The following BRMS1L variants were observed in gnomAD, a reference collection of about 807,000 sequenced individuals.
BRMS1L encodes the protein breast cancer metastasis-suppressor 1-like protein.
A neutral mutation model predicts 50.3 loss-of-function variants in BRMS1L; 23 were observed. That is an observed-to-expected ratio of 0.46 (90% CI 0.33 to 0.65). BRMS1L has a LOEUF of 0.65. Among genes scored for constraint, BRMS1L ranks in the 30% least tolerant of loss-of-function variants. The pLI, the probability that BRMS1L is intolerant of heterozygous loss-of-function variation, is 0.02. For synonymous variants in BRMS1L, 114 were observed against 126.9 expected (o/e 0.90, Z 0.69); for missense variants, 286 against 386.1 (o/e 0.74, Z 2.17).
chr14:35,841,558 A>G lies in BRMS1L; in HGVS notation c.441+6635A>G, dbSNP rs375378976. Among the ~76,000 whole-genome samples the G allele has an allele frequency of 1.5e-4, 23 of 152,198 alleles. No individual in the cohort carries two copies. In the East Asian group the frequency reaches 3.7e-3, roughly 24 times the overall value. ...GTGATCTGCCCGCCTTGGCCTCCCAAACTGCTGGGATTACAGGCGTAAGCC... is the reference window on the plus strand; with the variant it reads ...GTGATCTGCCCGCCTTGGCCTCCCAGACTGCTGGGATTACAGGCGTAAGCC... On this transcript the variant is annotated intron_variant, in intron 4 of 9. Transcript: ENST00000216807.
chr14:35,831,986 T>C (rs2077925793), intron 2 of BRMS1L, among the ~76,000 whole-genome samples: 1 of 152,164 alleles, frequency 6.6e-6, no homozygotes, highest in African/African-American at 2.4e-5. Flanking sequence ...AGTTGTATCA[T>C]ACTCTAAAGG....
At chr14:35,850,894 C>T (rs150952470) in intron 4 of BRMS1L, among the ~76,000 whole-genome samples, 115 of 152,216 alleles carry the variant, frequency 7.6e-4, no homozygotes, top group African/African-American at 7.7e-4. Flanking sequence ...TCCCCCAAAA[C>T]GTCATTTAGT....
chr14:35,859,298 T>C (rs2078320791), intron 4 of BRMS1L, among the ~76,000 whole-genome samples: 1 of 152,078 alleles, frequency 6.6e-6, no homozygotes, highest in Non-Finnish European at 1.5e-5. Flanking sequence ...AAATTAGGAG[T>C]ATCAAAGGAT....
At chr14:35,828,909 A>C (rs1286000546) in intron 1 of BRMS1L, among the ~76,000 whole-genome samples, 1 of 151,998 alleles carries the variant, frequency 6.6e-6, no homozygotes, top group Non-Finnish European at 1.5e-5. Context: ...AAAAGCGGGG[A>C]ATATAGAGAA....
At chr14:35,858,580 C>G (rs190628187) in intron 4 of BRMS1L, 1 of 152,332 alleles carries the variant, frequency 6.6e-6, no homozygotes, top group African/African-American at 2.4e-5. Flanking sequence ...TTTGCAGTCT[C>G]AGTGGCCAGG....
At chr14:35,833,497 A>T (rs1210163042) in intron 3 of BRMS1L, among the ~76,000 whole-genome samples, 1 of 152,072 alleles carries the variant, frequency 6.6e-6, no homozygotes, top group Non-Finnish European at 1.5e-5. Flanking sequence ...TTTTTAATTT[A>T]TAAAAAATTT....
intron 4 of BRMS1L, among the ~76,000 whole-genome samples, chr14:35,860,608 G>A (rs566944710): frequency 1.7e-4 from 26 of 151,128 alleles, no homozygotes; most frequent in Admixed American, 5.3e-4. Context: ...CTATTGTAGC[G>A]TTTTAATGGG....
At chr14:35,849,110 C>T (rs2078175706) in intron 4 of BRMS1L, among the ~76,000 whole-genome samples, 1 of 152,010 alleles carries the variant, frequency 6.6e-6, no homozygotes, top group Non-Finnish European at 1.5e-5. Flanking sequence ...CCACCTTGGC[C>T]TCCCAAAGTG....
chr14:35,855,056 G>C (rs573091684), intron 4 of BRMS1L, among the ~76,000 whole-genome samples: 2 of 152,116 alleles, frequency 1.3e-5, no homozygotes, highest in Admixed American at 6.6e-5. Context: ...GTAGTCCTTC[G>C]GGGCTTTGTG....
At chr14:35,826,862 G>T in intron 1 of BRMS1L, 1 of 698,072 alleles carries the variant, frequency 1.4e-6, no homozygotes, top group Non-Finnish European at 2.2e-6. Flanking sequence ...GCGGGGCGGG[G>T]CGGGCCTGGG....
intron 8 of BRMS1L, among the ~76,000 whole-genome samples, chr14:35,866,747 C>G: frequency 6.6e-6 from 1 of 152,054 alleles, no homozygotes; most frequent in African/African-American, 2.4e-5. Context: ...TTCCTTTAAA[C>G]TTTTTATTTT....
In BRMS1L at chr14:35,871,800, G is replaced by A. The variant is rs1361324426; in HGVS notation, c.*1323G>A. ...ACTGCTGAAATTCAGTGTCAGCAAA[G>A]TGATATTACGTTGTTCTGTTTCTAA... On this transcript the variant is annotated 3_prime_UTR_variant, in exon 10 of 10. Coordinates refer to ENST00000216807, the MANE Select transcript of BRMS1L (RefSeq NM_032352.4). 1 of 152,638 alleles carries A rather than the reference G, an allele frequency of 6.6e-6. No individual in the cohort carries two copies. The highest frequency in any genetic ancestry group is 2.4e-5 in the African/African-American group (1 of 41,450). The allele number at this position is 152,638 out of a possible 1,614,324, so 9.5% of individuals were successfully genotyped here.
chr14:35,841,533 G>A (rs534741005), intron 4 of BRMS1L, among the ~76,000 whole-genome samples: 691 of 152,186 alleles, frequency 4.5e-3, no homozygotes, highest in African/African-American at 0.015. Context: ...TCCTGACCTC[G>A]TGATCTGCCC....
chr14:35,829,756 T>C, intron 1 of BRMS1L: 1 of 938,956 alleles, frequency 1.1e-6, no homozygotes, highest in Non-Finnish European at 1.4e-6. Context: ...TTCCATGTTA[T>C]ATAAAAATAA....
chr14:35,863,843 A>G (rs1458232949), intron 5 of BRMS1L, 27 bp from the exon 6 acceptor site: 1 of 1,594,028 alleles, frequency 6.3e-7, no homozygotes. Flanking sequence ...GAAACCCACT[A>G]ATACTTAATC....
At chr14:35,841,130 G>A (rs924200117) in intron 4 of BRMS1L, among the ~76,000 whole-genome samples, 1 of 151,880 alleles carries the variant, frequency 6.6e-6, no homozygotes, top group African/African-American at 2.4e-5. Flanking sequence ...TTCAGGAGCC[G>A]GTTGTACAGT....
At chr14:35,865,976 T>C in intron 8 of BRMS1L, 1 of 509,776 alleles carries the variant, frequency 2.0e-6, no homozygotes, top group Admixed American at 3.9e-5. Context: ...TCAGCTACAT[T>C]CTTATTGCTA....
At chr14:35,853,016 A>ATCTATCTATCTATCTATCTATC (rs552883048) in intron 4 of BRMS1L, among the ~76,000 whole-genome samples, 1 of 150,338 alleles carries the variant, frequency 6.7e-6, no homozygotes, top group Non-Finnish European at 1.5e-5. Context: ...CTATCTATCT[A>ATCTATCTATCTATCTATCTATC]TATATAGAGA....
intron 4 of BRMS1L, among the ~76,000 whole-genome samples, chr14:35,846,680 A>G (rs891497161): frequency 3.9e-5 from 6 of 152,194 alleles, no homozygotes; most frequent in African/African-American, 1.4e-4. Flanking sequence ...CAAGCAGTAC[A>G]CAGTTTTGAT....
Sources: allele counts gnomAD v4.1 joint callset (sites outside exome capture counted in the v4.1 genomes callset), GRCh38; gene constraint gnomAD v4.1.1; transcripts MANE v1.5; gene names NCBI Gene and HGNC (gene_info 2026-07-23, HGNC 2026-07-21).